The following RASGRP3 variants were observed in gnomAD, a reference collection of about 807,000 sequenced individuals.
RASGRP3 encodes the protein RAS guanyl releasing protein 3, also known as ras guanyl-releasing protein 3.
A neutral mutation model predicts 82.7 loss-of-function variants in RASGRP3; 54 were observed. The ratio of observed to expected loss-of-function variants is 0.65; its 90% CI spans 0.52 to 0.82. RASGRP3 has a LOEUF of 0.82. Ranked by LOEUF, RASGRP3 falls within the 40% of genes least tolerant of loss-of-function variation. The probability of loss-of-function intolerance (pLI) is 0.00; values close to 1 mark genes in which losing one functional copy is unlikely to be tolerated. For synonymous variants in RASGRP3, 309 were observed against 300.5 expected (o/e 1.03, Z -0.29); for missense variants, 861 against 828.9 (o/e 1.04, Z -0.48).
intron 9 of RASGRP3, among the ~76,000 whole-genome samples, chr2:33,525,112 ACT>A (rs1466766932): frequency 6.0e-5 from 9 of 151,112 alleles, no homozygotes; most frequent in African/African-American, 2.2e-4. Context: ...AAAAAAAAAA[ACT>A]CAACATATTG....
chr2:33,483,551 C>G (rs1668118605), intron 1 of RASGRP3, among the ~76,000 whole-genome samples: 1 of 144,766 alleles, frequency 6.9e-6, no homozygotes, highest in South Asian at 2.2e-4. Context: ...TGCAGTGGCA[C>G]AATCTTAGCT....
At chr2:33,446,412 C>T (rs1665503870) in intron 1 of RASGRP3, among the ~76,000 whole-genome samples, 1 of 152,142 alleles carries the variant, frequency 6.6e-6, no homozygotes, top group Non-Finnish European at 1.5e-5. Context: ...CCGCCTCGGC[C>T]TCCCAAAGTG....
At chr2:33,490,840 T>G (rs1054568255) in intron 1 of RASGRP3, among the ~76,000 whole-genome samples, 1 of 152,250 alleles carries the variant, frequency 6.6e-6, no homozygotes, top group Non-Finnish European at 1.5e-5. Flanking sequence ...GTTTCTCATC[T>G]GGCCTGTTTA....
At chr2:33,484,119 T>C (rs1351577808) in intron 1 of RASGRP3, among the ~76,000 whole-genome samples, 1 of 152,232 alleles carries the variant, frequency 6.6e-6, no homozygotes, top group Non-Finnish European at 1.5e-5. Flanking sequence ...TGGAGTCTTT[T>C]ACCTAAATTA....
chr2:33,473,600 A>G (rs1370448612), upstream of RASGRP3, among the ~76,000 whole-genome samples: 1 of 152,146 alleles, frequency 6.6e-6, no homozygotes, highest in African/African-American at 2.4e-5. Flanking sequence ...GTCGAAGACA[A>G]TGCTTGGAAC....
intron 1 of RASGRP3, among the ~76,000 whole-genome samples, chr2:33,511,374 A>G (rs1014167281): frequency 6.6e-6 from 1 of 152,204 alleles, no homozygotes; most frequent in African/African-American, 2.4e-5. Context: ...ATTTACTAAC[A>G]TTTCAAAGTC....
At chr2:33,560,842 T>C (rs1375859200) in intron 17 of RASGRP3, among the ~76,000 whole-genome samples, 2 of 152,238 alleles carry the variant, frequency 1.3e-5, no homozygotes, top group Non-Finnish European at 2.9e-5. Flanking sequence ...ACTATTGGCC[T>C]CTCACAGTTC....
intron 7 of RASGRP3, among the ~76,000 whole-genome samples, chr2:33,523,298 C>A (rs1286514914): frequency 6.6e-6 from 1 of 151,924 alleles, no homozygotes; most frequent in African/African-American, 2.4e-5. Context: ...CCCATCTCTA[C>A]TAAAAATACT....
intron 2 of RASGRP3, among the ~76,000 whole-genome samples, chr2:33,463,862 A>C (rs997710785): frequency 6.6e-6 from 1 of 151,708 alleles, no homozygotes; most frequent in Non-Finnish European, 1.5e-5. Context: ...GGCCTCCCGA[A>C]GTGCTGGGAT....
At position 33,558,850 on chromosome 2, in the gene RASGRP3, G is replaced by A. The variant is rs564904058; in HGVS notation, c.1884G>A (p.Ser628=). Residue 628 remains serine (S), a synonymous_variant, in exon 17 of 18, where the codon TCG becomes TCA. Transcript: ENST00000403687. ...GGTCAGAGGCTGGCTGGGGGGACTC[G>A]GGGTCCCACACCTTCCCTAAAATGA... ...PVWSEAGWGD[S]GSHTFPKMKS... 2.2e-5 allele frequency: 35 copies of A among 1,613,952 alleles called. No individual in the cohort carries two copies. The highest frequency in any genetic ancestry group is 1.1e-4 in the African/African-American group (8 of 75,024).
intron 2 of RASGRP3, among the ~76,000 whole-genome samples, chr2:33,466,764 A>G (rs188011729): frequency 6.6e-4 from 100 of 152,198 alleles, no homozygotes; most frequent in African/African-American, 2.2e-3. Context: ...TTAACAGACT[A>G]CAGTATACTA....
chr2:33,490,420 C>T (rs1369696281), intron 1 of RASGRP3, among the ~76,000 whole-genome samples: 1 of 152,242 alleles, frequency 6.6e-6, no homozygotes, highest in Non-Finnish European at 1.5e-5. Context: ...TCAAGGTCAC[C>T]AGTGACCTCC....
chr2:33,522,201 C>T, intron 7 of RASGRP3, 99 bp downstream of exon 7: 1 of 1,355,116 alleles, frequency 7.4e-7, no homozygotes, highest in South Asian at 1.4e-5. Context: ...CAGCTTCTAT[C>T]ACTGTGCTCT....
At chr2:33,463,361 G>A (rs62147150) in intron 2 of RASGRP3, among the ~76,000 whole-genome samples, 12,807 of 152,138 alleles carry the variant, frequency 0.084, 746 homozygotes, top group Admixed American at 0.17. Flanking sequence ...TTATGCTAAA[G>A]CTAGTATGTT....
Position 33,527,152 on chromosome 2 carries a change from A to G in RASGRP3, c.823A>G (p.Thr275Ala), listed in dbSNP as rs563560790. 3.1e-6 allele frequency: 5 copies of G among 1,614,030 alleles called. No individual in the cohort carries two copies. In the East Asian group the frequency reaches 1.1e-4, roughly 36 times the overall value. ...CTGTTCCCAGAACTGGAATGAAATG[A>G]CAGAGTTGGTCTCCTCCAACGGCAA... The part of the protein sequence containing the change: ...SEVTKNWNEM[T>A]ELVSSNGNYC... Residue 275 changes from threonine to alanine, a missense_variant, in exon 10 of 18, where the codon ACA (threonine) becomes GCA (alanine). Thr to Ala is a moderately conservative substitution (Grantham distance 58, BLOSUM62 0). Coordinates refer to ENST00000403687, the MANE Select transcript of RASGRP3 (RefSeq NM_001139488.2).
At position 33,558,692 on chromosome 2, in the gene RASGRP3, T is replaced by C; in HGVS notation, c.1726T>C (p.Phe576Leu). The C allele has an allele frequency of 1.2e-6, 2 of 1,602,472 alleles. No individual in the cohort carries two copies. Among genetic ancestry groups the C allele is most frequent in the Non-Finnish European group, 1.7e-6 (2 of 1,175,132 alleles). ...LPPAQDEVFE[F>L]PGVTAGHRDL... ...TCCAGCGCAGGATGAGGTGTTTGAG[T>C]TCCCTGGAGTCACTGCTGGACACAG... Residue 576 changes from phenylalanine (F) to leucine (L), a missense_variant, in exon 17 of 18, where the codon TTC (phenylalanine) becomes CTC (leucine). Coordinates refer to ENST00000403687, the MANE Select transcript of RASGRP3 (RefSeq NM_001139488.2).
intron 2 of RASGRP3, among the ~76,000 whole-genome samples, chr2:33,459,023 C>T (rs1315146167): frequency 6.6e-6 from 1 of 152,122 alleles, no homozygotes; most frequent in Non-Finnish European, 1.5e-5. Context: ...AAAAATCTAA[C>T]ATTTTTAACA....
intron 1 of RASGRP3, among the ~76,000 whole-genome samples, chr2:33,440,858 A>G (rs1217681123): frequency 1.3e-5 from 2 of 152,128 alleles, no homozygotes; most frequent in African/African-American, 2.4e-5. Flanking sequence ...ATTAAATTTC[A>G]TCTTGAGGTT....
chr2:33,500,842 G>A (rs1291533820), intron 1 of RASGRP3, among the ~76,000 whole-genome samples: 1 of 152,184 alleles, frequency 6.6e-6, no homozygotes, highest in Non-Finnish European at 1.5e-5. Flanking sequence ...GCTGAGGCAG[G>A]AGAATCGCTT....
Sources: gnomAD v4.1 joint callset for allele counts (sites outside exome capture counted in the v4.1 genomes callset) on GRCh38, gnomAD v4.1.1 for gene constraint, MANE v1.5 for transcripts, NCBI Gene and HGNC (gene_info 2026-07-23, HGNC 2026-07-21) for gene names.